CNTN5: variants seen among roughly 807,000 people sequenced by gnomAD.
The protein encoded by CNTN5 is contactin-5.
A neutral mutation model predicts 129.1 loss-of-function variants in CNTN5; 77 were observed. That is an observed-to-expected ratio of 0.60 (90% CI 0.50 to 0.72). The LOEUF is 0.72. Ranked by LOEUF, CNTN5 falls within the 30% of genes least tolerant of loss-of-function variation. The probability of loss-of-function intolerance (pLI) is 0.00; values close to 1 mark genes in which losing one functional copy is unlikely to be tolerated. For synonymous variants in CNTN5, 509 were observed against 465.6 expected (o/e 1.09, Z -1.20); for missense variants, 1,478 against 1,328.8 (o/e 1.11, Z -1.75).
intron 18 of CNTN5, among the ~76,000 whole-genome samples, chr11:100,285,393 C>T (rs143668017): frequency 2.6e-5 from 4 of 152,136 alleles, no homozygotes; most frequent in Middle Eastern, 3.2e-3. Context: ...ACTAGAACAA[C>T]AGGAGAGTCA....
At chr11:100,293,467 C>T (rs944731624) in intron 18 of CNTN5, among the ~76,000 whole-genome samples, 1 of 151,670 alleles carries the variant, frequency 6.6e-6, no homozygotes. Context: ...TTCAAGATTG[C>T]GTGTGTATAG....
At position 99,029,845 on chromosome 11, in the gene CNTN5, C is replaced by G. The variant is rs1188346297; in HGVS notation, c.-210+8575C>G. Among the ~76,000 whole-genome samples the G allele has an allele frequency of 2.6e-5, 4 of 151,994 alleles. No individual in the cohort carries two copies. The East Asian group carries it at 7.7e-4, about 29-fold the overall frequency. ...TGTACAGGTCACCTTGCTTCTCTCCCTAGTTTATTAATTTCTCAATCAAAA... is the reference window on the plus strand; with the variant it reads ...TGTACAGGTCACCTTGCTTCTCTCCGTAGTTTATTAATTTCTCAATCAAAA... On this transcript the variant is annotated intron_variant, in intron 1 of 24. Transcript: ENST00000524871.
intron 13 of CNTN5, among the ~76,000 whole-genome samples, chr11:100,120,512 A>G (rs1159493993): frequency 3.3e-5 from 5 of 152,030 alleles, no homozygotes; most frequent in Non-Finnish European, 5.9e-5. Flanking sequence ...CAGAAGAATC[A>G]TAATCCATTT....
At chr11:99,230,266 C>G (rs903365586) in intron 1 of CNTN5, among the ~76,000 whole-genome samples, 2 of 151,872 alleles carry the variant, frequency 1.3e-5, no homozygotes, top group African/African-American at 4.8e-5. Context: ...CAAGATATAA[C>G]AACAAAAATG....
At chr11:99,990,378 TTTATTGGCTATTTTCCAAAAAAAA>T in intron 8 of CNTN5, among the ~76,000 whole-genome samples, 1 of 150,952 alleles carries the variant, frequency 6.6e-6, no homozygotes, top group Admixed American at 6.7e-5. Flanking sequence ...TTAGAATGTA[TTTATTGGCTATTTTCCAAAAAAAA>T]ATATTTTTAG....
intron 1 of CNTN5, among the ~76,000 whole-genome samples, chr11:99,319,265 A>G (rs1482444231): frequency 6.6e-6 from 1 of 152,214 alleles, no homozygotes; most frequent in African/African-American, 2.4e-5. Context: ...ACAATAACCT[A>G]GAAAACGTCC....
intron 10 of CNTN5, among the ~76,000 whole-genome samples, chr11:100,063,285 A>G (rs1320117555): frequency 6.6e-6 from 1 of 152,086 alleles, no homozygotes; most frequent in African/African-American, 2.4e-5. Flanking sequence ...TTCTAGTGAG[A>G]AAGTGCTACT....
chr11:100,247,180 A>G (rs1949858166), intron 16 of CNTN5, among the ~76,000 whole-genome samples: 1 of 152,194 alleles, frequency 6.6e-6, no homozygotes, highest in African/African-American at 2.4e-5. Flanking sequence ...GGTGTTAAAT[A>G]GGCAAAGTAA....
intron 7 of CNTN5, among the ~76,000 whole-genome samples, chr11:99,941,321 G>A (rs1950429645): frequency 6.6e-6 from 1 of 151,888 alleles, no homozygotes; most frequent in South Asian, 2.1e-4. Context: ...TTATAAAGAG[G>A]TAAACTTTAC....
In CNTN5 at chr11:99,507,325, C is replaced by T. The variant is rs546485184; in HGVS notation, c.-70-48820C>T. On this transcript the variant is annotated intron_variant, in intron 2 of 24. Coordinates refer to ENST00000524871, the MANE Select transcript of CNTN5 (RefSeq NM_014361.4). ...CCGGGAGGCAGAAGTTGCAGTGAGC[C>T]GAGATGGTGCCACTGCACTCCAGCC... Among the ~76,000 whole-genome samples the T allele has an allele frequency of 5.8e-5, 8 of 138,986 alleles. No individual in the cohort carries two copies. The South Asian group carries it at 1.8e-3, about 31-fold the overall frequency. 91.2% of individuals were successfully genotyped at this position (138,986 alleles called of 152,430 possible). A position where few individuals can be genotyped will look rare whatever the true frequency, so the allele number is the denominator to read the frequency against.
chr11:99,468,243 A>C (rs115318001), intron 2 of CNTN5, among the ~76,000 whole-genome samples: 1,847 of 152,192 alleles, frequency 0.012, 39 homozygotes, highest in African/African-American at 0.042. Flanking sequence ...TGATAAGTAT[A>C]CATGTCTCCA....
At chr11:99,027,392 G>A (rs867077950) in intron 1 of CNTN5, among the ~76,000 whole-genome samples, 1 of 151,510 alleles carries the variant, frequency 6.6e-6, no homozygotes, top group African/African-American at 2.4e-5. Flanking sequence ...GCTTTTTAAA[G>A]GTAGTAGCGA....
intron 13 of CNTN5, among the ~76,000 whole-genome samples, chr11:100,149,532 A>AT (rs1414367593): frequency 1.2e-4 from 18 of 152,318 alleles, no homozygotes; most frequent in Admixed American, 9.8e-4. Flanking sequence ...TTATTGAATT[A>AT]TTTTGAAATG....
intron 3 of CNTN5, among the ~76,000 whole-genome samples, chr11:99,667,477 G>A (rs1230538080): frequency 6.6e-6 from 1 of 152,114 alleles, no homozygotes; most frequent in Non-Finnish European, 1.5e-5. Context: ...GTATATACAA[G>A]TTAAATAAAA....
At chr11:99,196,246 C>T (rs949860760) in intron 1 of CNTN5, among the ~76,000 whole-genome samples, 24 of 151,478 alleles carry the variant, frequency 1.6e-4, no homozygotes, top group African/African-American at 5.6e-4. Flanking sequence ...ATATATGAAC[C>T]TTATATTTGC....
At chr11:99,267,618 C>T (rs1862965652) in intron 1 of CNTN5, among the ~76,000 whole-genome samples, 1 of 151,890 alleles carries the variant, frequency 6.6e-6, no homozygotes, top group South Asian at 2.1e-4. Context: ...CTAACCCCAA[C>T]AATTAAAACA....
chr11:99,167,083 T>C (rs1193172040), intron 1 of CNTN5, among the ~76,000 whole-genome samples: 1 of 152,152 alleles, frequency 6.6e-6, no homozygotes, highest in African/African-American at 2.4e-5. Context: ...TTCTTTTTGT[T>C]TTGGTTGTCT....
intron 2 of CNTN5, among the ~76,000 whole-genome samples, chr11:99,382,835 C>T (rs772930909): frequency 2.4e-3 from 198 of 82,464 alleles, no homozygotes; most frequent in Non-Finnish European, 3.6e-3. Context: ...TCACTAGTGT[C>T]TCTAAATAAC....
chr11:100,156,869 T>C (rs183570882), intron 13 of CNTN5, among the ~76,000 whole-genome samples: 1 of 152,146 alleles, frequency 6.6e-6, no homozygotes, highest in Admixed American at 6.6e-5. Flanking sequence ...TTAGTGTGTC[T>C]ATTTGATTCT....
Sources: gnomAD v4.1 joint callset for allele counts (sites outside exome capture counted in the v4.1 genomes callset) on GRCh38, gnomAD v4.1.1 for gene constraint, MANE v1.5 for transcripts, NCBI Gene and HGNC (gene_info 2026-07-23, HGNC 2026-07-21) for gene names.